Variants in NAV2 observed in about 807,000 individuals in gnomAD.
NAV2 encodes the protein helicase, APC down-regulated 1.
In NAV2, 54 loss-of-function variants were observed where a neutral mutation model predicts 223.2. The ratio of observed to expected loss-of-function variants is 0.24; its 90% confidence interval spans 0.19 to 0.30. The LOEUF is 0.30. Among genes scored for constraint, NAV2 ranks in the 10% least tolerant of loss-of-function variants. The pLI is 1.00. For missense variants in NAV2, 2,806 were observed against 3,147.5 expected, an observed-to-expected ratio of 0.89 and a Z score of 2.60; for synonymous variants, 1,279 against 1,239.3, an observed-to-expected ratio of 1.03 and a Z score of -0.67.
chr11:19,986,198 G>C (rs35666863), intron 11 of NAV2, among the ~76,000 whole-genome samples: 2 of 152,134 alleles, frequency 1.3e-5, no homozygotes, highest in South Asian at 2.1e-4. Flanking sequence ...TGGAGGATGA[G>C]GGTGGGGTTG....
intron 11 of NAV2, among the ~76,000 whole-genome samples, chr11:20,012,417 T>C (rs1361576202): frequency 6.6e-6 from 1 of 152,172 alleles, no homozygotes. Context: ...GGCTCAAGCC[T>C]GTAATCCCAG....
chr11:19,819,394 C>T lies in NAV2; in HGVS notation c.268-13090C>T, dbSNP rs189553804. On this transcript the variant is annotated intron_variant, in intron 1 of 37. Transcript: ENST00000349880. ...AGGGCACCCTAGGCAGAGAGGGCAGCGTGTGAAAAGGCACAGAGGCTGGGG... is the reference window on the plus strand; with the variant it reads ...AGGGCACCCTAGGCAGAGAGGGCAGTGTGTGAAAAGGCACAGAGGCTGGGG... Among the ~76,000 whole-genome samples the T allele has an allele frequency of 4.8e-3, 731 of 152,274 alleles. 6 individuals carry two copies. Among genetic ancestry groups the T allele is most frequent in the South Asian group, 0.015 (71 of 4,828 alleles).
chr11:19,469,617 A>G (rs1260506584), intron 1 of NAV2, among the ~76,000 whole-genome samples: 3 of 152,032 alleles, frequency 2.0e-5, no homozygotes, highest in African/African-American at 7.2e-5. Context: ...GTACACTCTC[A>G]CTTGCAGGAT....
Position 20,080,169 on chromosome 11 carries a change from A to C in NAV2, c.5285A>C (p.Asn1762Thr), listed in dbSNP as rs149975993. The change falls in exon 25 of 38, where the codon AAC becomes ACC. Residue 1762 changes from asparagine to threonine, a missense_variant. Transcript: ENST00000349880. Reference protein sequence around the residue: ...SATSHSSVGSNIESDSKKKKR... With the variant: ...SATSHSSVGSTIESDSKKKKR... The stretch of plus-strand genomic sequence containing the variant: ...ACCAGCCACTCCAGCGTGGGCAGCA[A>C]CATAGAGAGTGACTCAAAGAAGAAG... The C allele has an allele frequency of 6.7e-5, 108 of 1,614,030 alleles. No individual in the cohort carries two copies. The highest frequency in any genetic ancestry group is 8.1e-5 in the Non-Finnish European group (96 of 1,179,938).
intron 1 of NAV2, among the ~76,000 whole-genome samples, chr11:19,486,558 C>A (rs1237067141): frequency 6.6e-6 from 1 of 152,094 alleles, no homozygotes; most frequent in Non-Finnish European, 1.5e-5. Context: ...GGCTTTTATC[C>A]CTTTTGCTCG....
intron 3 of NAV2, among the ~76,000 whole-genome samples, chr11:19,867,206 C>G (rs2062149580): frequency 6.6e-6 from 1 of 152,186 alleles, no homozygotes; most frequent in African/African-American, 2.4e-5. Context: ...AGACATCACA[C>G]ACAGGGTACT....
At chr11:19,572,699 T>C (rs368015151) in intron 1 of NAV2, among the ~76,000 whole-genome samples, 2 of 152,220 alleles carry the variant, frequency 1.3e-5, no homozygotes, top group African/African-American at 4.8e-5. Context: ...CTCCCACTTA[T>C]GAGCTGCATG....
At chr11:19,352,851 T>C (rs1853401961) in intron 1 of NAV2, among the ~76,000 whole-genome samples, 1 of 152,174 alleles carries the variant, frequency 6.6e-6, no homozygotes, top group South Asian at 2.1e-4. Flanking sequence ...TTTCTGGGCT[T>C]CTAGAAATAC....
intron 6 of NAV2, among the ~76,000 whole-genome samples, chr11:19,930,507 C>A (rs2045226734): frequency 6.6e-6 from 1 of 152,086 alleles, no homozygotes; most frequent in African/African-American, 2.4e-5. Flanking sequence ...CCCTAAGACC[C>A]CCGTCCTTTT....
Position 19,647,779 on chromosome 11 carries a change from G to A in NAV2, c.76-184705G>A, listed in dbSNP as rs75818347. On this transcript the variant is annotated intron_variant, in intron 1 of 37. Coordinates refer to the NAV2 transcript ENST00000360655. ...TGGTGGAAGCAGGAGAGAATAGGTG[G>A]GCTCTGGGCAAGAGGGCAGAGGTTC... 1.1e-3 allele frequency among the ~76,000 whole-genome samples: 165 copies of A among 152,266 alleles called. 1 individual carries two copies. The highest frequency in any genetic ancestry group is 2.0e-3 in the Non-Finnish European group (133 of 68,032).
At chr11:19,415,449 T>G (rs1487494098) in intron 1 of NAV2, among the ~76,000 whole-genome samples, 1 of 152,182 alleles carries the variant, frequency 6.6e-6, no homozygotes, top group Non-Finnish European at 1.5e-5. Context: ...GAGGCAGTAA[T>G]TAATAGCCTA....
chr11:19,722,866 A>G (rs1043735506), intron 1 of NAV2, among the ~76,000 whole-genome samples: 6 of 152,218 alleles, frequency 3.9e-5, no homozygotes, highest in African/African-American at 1.4e-4. Context: ...GCCAGCATCA[A>G]AGCTCTCCAA....
At chr11:19,409,064 A>C (rs979355381) in intron 1 of NAV2, among the ~76,000 whole-genome samples, 1 of 152,092 alleles carries the variant, frequency 6.6e-6, no homozygotes, top group Non-Finnish European at 1.5e-5. Context: ...TTACGTCCTT[A>C]ATGAGTATGT....
At chr11:19,830,196 G>A (rs1269574489) in intron 1 of NAV2, among the ~76,000 whole-genome samples, 1 of 152,202 alleles carries the variant, frequency 6.6e-6, no homozygotes, top group African/African-American at 2.4e-5. Context: ...CTGCACTCCA[G>A]GCTGGGTGAC....
intron 11 of NAV2, among the ~76,000 whole-genome samples, chr11:20,001,893 G>A (rs1047368767): frequency 1.3e-5 from 2 of 151,628 alleles, no homozygotes; most frequent in Middle Eastern, 3.2e-3. Context: ...GAGATGATGT[G>A]GGGGTGTGGC....
In NAV2 at chr11:19,834,230, C is replaced by T. The variant is rs181447357; in HGVS notation, c.385+1629C>T. Among the ~76,000 whole-genome samples the T allele has an allele frequency of 3.8e-3, 585 of 152,284 alleles. 3 individuals carry two copies. Among genetic ancestry groups the T allele is most frequent in the African/African-American group, 0.014 (563 of 41,550 alleles). On this transcript the variant is annotated intron_variant, in intron 2 of 37. Transcript: ENST00000349880. ...TCCAAAGCTCTTTTAAACTATCTCT[C>T]ATTTTCTCAAAACCCTTTTGAAGTA...
intron 1 of NAV2, among the ~76,000 whole-genome samples, chr11:19,673,053 C>G (rs746179542): frequency 1.2e-4 from 18 of 152,186 alleles, no homozygotes; most frequent in Non-Finnish European, 2.2e-4. Flanking sequence ...TGCCCAAGAG[C>G]TATATTAAAC....
chr11:19,939,739 C>A lies in NAV2; in HGVS notation c.2112C>A (p.Thr704=), dbSNP rs2046242063. ...TGVSVEPSHF[T]KTGQPALEEL... ...TGAGCGTGGAGCCCAGCCACTTCAC[C>A]AAGACTGGACAGCCTGCTCTGGAAG... The change falls in exon 8 of 38, where the codon ACC becomes ACA. Residue 704 remains threonine (T), a synonymous_variant. Coordinates refer to ENST00000349880, the MANE Select transcript of NAV2 (RefSeq NM_145117.5). 1 of 1,614,062 alleles carries A rather than the reference C, an allele frequency of 6.2e-7. No individual in the cohort carries two copies. Among genetic ancestry groups the A allele is most frequent in the Non-Finnish European group, 8.5e-7 (1 of 1,179,978 alleles).
chr11:19,455,436 C>G (rs1254567835), intron 1 of NAV2, among the ~76,000 whole-genome samples: 1 of 152,084 alleles, frequency 6.6e-6, no homozygotes, highest in Non-Finnish European at 1.5e-5. Flanking sequence ...TCTCATAGCA[C>G]CCTGTAAATT....
Sources: gnomAD v4.1 joint callset for allele counts (sites outside exome capture counted in the v4.1 genomes callset) on GRCh38, gnomAD v4.1.1 for gene constraint, MANE v1.5 for transcripts, NCBI Gene and HGNC (gene_info 2026-07-23, HGNC 2026-07-21) for gene names.